The following ANO3 variants were observed in gnomAD, a reference collection of about 807,000 sequenced individuals.
The protein encoded by ANO3 is anoctamin 3, also known as anoctamin-3.
In ANO3, 99 loss-of-function variants were observed where a neutral mutation model predicts 144.8. That is an observed-to-expected ratio of 0.68 (90% CI 0.58 to 0.81). The LOEUF (loss-of-function observed/expected upper bound fraction) is 0.81. ANO3 is among the 30% of genes least tolerant of loss of function. The pLI is 0.00. For synonymous variants in ANO3, 414 were observed against 392.6 expected (o/e 1.05, Z -0.64); for missense variants, 905 against 1,202.2 (o/e 0.75, Z 3.66).
chr11:26,241,012 C>A (rs75846744), intron 1 of ANO3, among the ~76,000 whole-genome samples: 5 of 152,206 alleles, frequency 3.3e-5, no homozygotes, highest in East Asian at 1.9e-4. Flanking sequence ...AGGGGAGAAA[C>A]CCGGTGGGAG....
At chr11:26,577,577 AAAAGAG>A (rs1391976546) in intron 14 of ANO3, among the ~76,000 whole-genome samples, 12 of 152,190 alleles carry the variant, frequency 7.9e-5, no homozygotes, top group African/African-American at 2.2e-4. Context: ...AAAAAAAAAA[AAAAGAG>A]AGAGAGAGAG....
chr11:26,269,905 G>A lies in ANO3; in HGVS notation c.155-39740G>A, dbSNP rs548698597. Among the ~76,000 whole-genome samples the A allele has an allele frequency of 5.3e-5, 8 of 152,232 alleles. No homozygotes were observed. The South Asian group carries it at 8.3e-4, about 16-fold the overall frequency. ...GTCTTTAAGGGGTAATTAAAAGGAG[G>A]TAATTAGCATAGGCCCTAATCAAAC... On this transcript the variant is annotated intron_variant, in intron 1 of 27. Coordinates refer to the ANO3 transcript ENST00000672621.
chr11:26,643,258 C>A lies in ANO3; in HGVS notation c.2352C>A (p.Ile784=). The change falls in exon 23 of 27, where the codon ATC becomes ATA. Residue 784 remains isoleucine, a synonymous_variant. Transcript: ENST00000256737. ...CTCTTTTGGCTTTGTTAAACAATAT[C>A]ATTGAAATCAGGCTGGATGCATACA... The part of the protein sequence containing the change: ...LAPLLALLNN[I]IEIRLDAYKF... The A allele has an allele frequency of 6.2e-7, 1 of 1,614,148 alleles. No individual in the cohort carries two copies. Among genetic ancestry groups the A allele is most frequent in the Non-Finnish European group, 8.5e-7 (1 of 1,180,020 alleles).
At chr11:26,342,659 G>A (rs1169156958) in intron 1 of ANO3, among the ~76,000 whole-genome samples, 1 of 152,062 alleles carries the variant, frequency 6.6e-6, no homozygotes, top group Non-Finnish European at 1.5e-5. Context: ...AATAGACTAA[G>A]ACAACTTTGT....
At chr11:26,244,748 A>C (rs1318897264) in intron 1 of ANO3, among the ~76,000 whole-genome samples, 1 of 152,196 alleles carries the variant, frequency 6.6e-6, no homozygotes, top group Non-Finnish European at 1.5e-5. Flanking sequence ...TAGGTACTGC[A>C]TCCTACATCT....
intron 1 of ANO3, among the ~76,000 whole-genome samples, chr11:26,395,205 GTCTGATGTCTCCAGC>G (rs1412066858): frequency 6.6e-6 from 1 of 152,136 alleles, no homozygotes. Flanking sequence ...AAGTCAGGTA[GTCTGATGTCTCCAGC>G]TCTGTTCTTT....
At chr11:26,588,168 T>C (rs1191493143) in intron 14 of ANO3, among the ~76,000 whole-genome samples, 1 of 152,166 alleles carries the variant, frequency 6.6e-6, no homozygotes, top group Admixed American at 6.5e-5. Flanking sequence ...AAAACATAGA[T>C]TACAATGCCT....
At chr11:26,487,040 A>T (rs721258) in intron 4 of ANO3, among the ~76,000 whole-genome samples, 38,103 of 152,120 alleles carry the variant, frequency 0.25, 5,263 homozygotes, top group South Asian at 0.38. Flanking sequence ...GGTGACTTAC[A>T]ATTGATTGGC....
At chr11:26,407,290 G>A (rs1316490566) in intron 1 of ANO3, among the ~76,000 whole-genome samples, 2 of 151,200 alleles carry the variant, frequency 1.3e-5, no homozygotes, top group Admixed American at 6.6e-5. Context: ...TCTACCCTTT[G>A]AAAATCATAT....
At chr11:26,440,430 T>G (rs531216376) in intron 1 of ANO3, among the ~76,000 whole-genome samples, 1 of 152,196 alleles carries the variant, frequency 6.6e-6, no homozygotes, top group African/African-American at 2.4e-5. Flanking sequence ...AAGAGTAGTG[T>G]TAAAAGCTAA....
chr11:26,589,465 C>T (rs1851382245), intron 14 of ANO3, among the ~76,000 whole-genome samples: 2 of 150,374 alleles, frequency 1.3e-5, no homozygotes, highest in Admixed American at 1.3e-4. Flanking sequence ...ATAATTTGCA[C>T]CCATTTAAAG....
At chr11:26,334,889 T>C (rs373710569) in intron 1 of ANO3, among the ~76,000 whole-genome samples, 151 of 152,338 alleles carry the variant, frequency 9.9e-4, no homozygotes, top group African/African-American at 2.7e-3. Flanking sequence ...ACCCTTGTTA[T>C]ATTATTTTTA....
chr11:26,463,550 T>C (rs1041587456), intron 4 of ANO3, among the ~76,000 whole-genome samples: 5 of 150,076 alleles, frequency 3.3e-5, no homozygotes, highest in Admixed American at 6.6e-5. Context: ...GAATTGTTTT[T>C]CTCATTTGAA....
intron 3 of ANO3, among the ~76,000 whole-genome samples, chr11:26,447,161 C>A (rs537354448): frequency 2.3e-4 from 31 of 133,616 alleles, no homozygotes; most frequent in Non-Finnish European, 4.1e-4. Flanking sequence ...GAGCTATGAT[C>A]ACACCCCTGC....
At chr11:26,439,800 C>T (rs1268615677) in intron 1 of ANO3, among the ~76,000 whole-genome samples, 1 of 152,000 alleles carries the variant, frequency 6.6e-6, no homozygotes, top group Non-Finnish European at 1.5e-5. Flanking sequence ...AGACAAAGAC[C>T]AATAAACTGA....
chr11:26,467,182 G>A (rs907576320), intron 4 of ANO3, among the ~76,000 whole-genome samples: 1 of 151,840 alleles, frequency 6.6e-6, no homozygotes, highest in Non-Finnish European at 1.5e-5. Context: ...CAGAGTAAAT[G>A]TATATATTTA....
intron 4 of ANO3, among the ~76,000 whole-genome samples, chr11:26,480,910 C>A (rs1860190055): frequency 6.6e-6 from 1 of 152,074 alleles, no homozygotes; most frequent in Non-Finnish European, 1.5e-5. Flanking sequence ...GAATTTGAAT[C>A]CTGGTCCTGC....
chr11:26,240,272 T>A (rs1037898), intron 1 of ANO3, among the ~76,000 whole-genome samples: 49,688 of 152,038 alleles, frequency 0.33, 8,341 homozygotes, highest in Non-Finnish European at 0.34. Flanking sequence ...ATGGCACTTG[T>A]GCATATGATA....
At chr11:26,189,244 A>G (rs201009280) in exon 1 of ANO3, 2 of 985,076 alleles carry the variant, frequency 2.0e-6, no homozygotes, top group South Asian at 9.4e-5. Context: ...CACGCTTCCA[A>G]CTCATGTTTT....
Sources: allele counts gnomAD v4.1 joint callset (sites outside exome capture counted in the v4.1 genomes callset), GRCh38; gene constraint gnomAD v4.1.1; transcripts MANE v1.5; gene names NCBI Gene and HGNC (gene_info 2026-07-23, HGNC 2026-07-21).